Variants in ANKUB1 observed in about 807,000 individuals in gnomAD.
ANKUB1 encodes the protein ankyrin repeat and ubiquitin domain containing 1.
In ANKUB1, 42 loss-of-function variants were observed where a neutral mutation model predicts 49.3. The observed-to-expected ratio is 0.85, with a 90% CI of 0.67 to 1.10. ANKUB1 has a LOEUF of 1.10. Among genes scored for constraint, ANKUB1 ranks in the 50% least tolerant of loss-of-function variants. The pLI, the probability that ANKUB1 is intolerant of heterozygous loss-of-function variation, is 0.00. For synonymous variants in ANKUB1, 222 were observed against 231.0 expected (o/e 0.96, Z 0.35); for missense variants, 613 against 642.0 (o/e 0.95, Z 0.49).
rs763008788 is a variant in ANKUB1, at chr3:149,761,136, A to G, written c.*348T>C. 89 of 156,590 alleles carry G rather than the reference A, an allele frequency of 5.7e-4. No individual in the cohort carries two copies. Among genetic ancestry groups the G allele is most frequent in the Middle Eastern group, 3.3e-3 (1 of 306 alleles). The allele number at this position is 156,590 out of a possible 1,614,324, so 9.7% of individuals were successfully genotyped here. On this transcript the variant is annotated 3_prime_UTR_variant, in exon 6 of 6. Transcript: ENST00000446160. Reference sequence around the variant, plus strand: ...GTTCTACATTCATATGGCTTAAAAAACCAAAACACATTTTTTTAGGAAAAA... The same window carrying G: ...GTTCTACATTCATATGGCTTAAAAAGCCAAAACACATTTTTTTAGGAAAAA...
chr3:149,780,131 T>A, intron 3 of ANKUB1, 108 bp downstream of exon 3: 1 of 837,304 alleles, frequency 1.2e-6, no homozygotes, highest in Non-Finnish European at 1.9e-6. Context: ...AGTTAACAGA[T>A]TGTATATGAA....
At chr3:149,776,705 A>G (rs1043857891) in intron 3 of ANKUB1, among the ~76,000 whole-genome samples, 2 of 152,150 alleles carry the variant, frequency 1.3e-5, no homozygotes, top group Non-Finnish European at 2.9e-5. Context: ...TCACTCCTGT[A>G]ATCCCAGCAC....
At chr3:149,767,106 A>T in intron 5 of ANKUB1, 51 bp downstream of exon 5, 1 of 1,430,486 alleles carries the variant, frequency 7.0e-7, no homozygotes, top group Non-Finnish European at 9.3e-7. Context: ...CTTATCCTGG[A>T]CCTGCCTTAT....
chr3:149,784,476 C>A (rs541108278), intron 2 of ANKUB1, among the ~76,000 whole-genome samples: 1 of 152,274 alleles, frequency 6.6e-6, no homozygotes, highest in South Asian at 2.1e-4. Context: ...TCTGAAGTTG[C>A]CGGCCTGGCA....
chr3:149,778,246 A>G (rs1403481732), intron 3 of ANKUB1: 1 of 152,258 alleles, frequency 6.6e-6, no homozygotes, highest in South Asian at 2.1e-4. Context: ...CATGGTGGCC[A>G]AAACAGCCTA....
At position 149,773,459 on chromosome 3, in the gene ANKUB1, T is replaced by C. The variant is rs140101378; in HGVS notation, c.452-2785A>G. Among the ~76,000 whole-genome samples, 407 of 152,340 alleles carry C rather than the reference T, an allele frequency of 2.7e-3. 3 individuals are homozygous for C. The highest frequency in any genetic ancestry group is 9.4e-3 in the African/African-American group (391 of 41,576). On this transcript the variant is annotated intron_variant, in intron 3 of 5. Transcript: ENST00000446160. ...AGCTAGAAGAGTTTACTCTCCTTGC[T>C]GGAGAATTCTGGAATTATTCTGTAG...
At chr3:149,772,234 T>C (rs2108268141) in intron 3 of ANKUB1, among the ~76,000 whole-genome samples, 1 of 152,272 alleles carries the variant, frequency 6.6e-6, no homozygotes, top group Admixed American at 6.5e-5. Flanking sequence ...TTGGTCAGGC[T>C]AATCTCGAAC....
In ANKUB1 at chr3:149,767,789, T is replaced by A. The variant is rs762463717; in HGVS notation, c.873A>T (p.Leu291Phe). Reference protein sequence around the residue: ...VFKHKHKDCVLYLLSKMWSTV... With the variant: ...VFKHKHKDCVFYLLSKMWSTV... ...TGGACCACATTTTACTGAGCAAATA[T>A]AATACACAGTCTTTATGCTTGTGTT... The change falls in exon 5 of 6, where the codon TTA becomes TTT. Residue 291 changes from leucine (L) to phenylalanine (F), a missense_variant. Transcript: ENST00000446160. 1.2e-5 allele frequency: 18 copies of A among 1,551,636 alleles called. No homozygotes were observed. The African/African-American group carries it at 2.3e-4, about 20-fold the overall frequency.
intron 2 of ANKUB1, among the ~76,000 whole-genome samples, chr3:149,790,056 GT>G (rs769625130): frequency 6.6e-6 from 1 of 152,090 alleles, no homozygotes; most frequent in Non-Finnish European, 1.5e-5. Flanking sequence ...GTTTCCTAAA[GT>G]TCATATTTTT....
At position 149,766,857 on chromosome 3, in the gene ANKUB1, A is replaced by T. The variant is rs977288290; in HGVS notation, c.1505+300T>A. The T allele has an allele frequency of 3.7e-6, 4 of 1,068,582 alleles. No homozygotes were observed. The South Asian group carries it at 4.5e-5, about 12-fold the overall frequency. The allele number at this position is 1,068,582 out of a possible 1,614,324, so 66.2% of individuals were successfully genotyped here. ...CAGCAGCAGCAGCAGCAGCAGCAGCAGCAGCAGCAGCAGCAGCAGCAGCAA... is the reference window on the plus strand; with the variant it reads ...CAGCAGCAGCAGCAGCAGCAGCAGCTGCAGCAGCAGCAGCAGCAGCAGCAA... On this transcript the variant is annotated intron_variant, in intron 5 of 5. Transcript: ENST00000446160.
rs1034815058 is a variant in ANKUB1, at chr3:149,768,716, A to G, written c.567-621T>C. ...GCCACCACACCTGGCTAATTTTTGT[A>G]TTTTTTGTAGAAACAGGAATTTCGC... On this transcript the variant is annotated intron_variant, in intron 4 of 5. Coordinates refer to ENST00000446160, the MANE Select transcript of ANKUB1 (RefSeq NM_001144960.3). Among the ~76,000 whole-genome samples, 49 of 152,028 alleles carry G rather than the reference A, an allele frequency of 3.2e-4. 1 individual carries two copies. Among genetic ancestry groups the G allele is most frequent in the Admixed American group, 2.0e-4 (3 of 15,246 alleles).
At chr3:149,765,313 G>T (rs1229045255) in intron 5 of ANKUB1, among the ~76,000 whole-genome samples, 1 of 152,154 alleles carries the variant, frequency 6.6e-6, no homozygotes, top group Non-Finnish European at 1.5e-5. Flanking sequence ...ATCCGGGAAG[G>T]ATCATGACTG....
intron 2 of ANKUB1, among the ~76,000 whole-genome samples, chr3:149,785,723 A>G (rs1040746976): frequency 2.6e-5 from 4 of 152,132 alleles, no homozygotes; most frequent in Non-Finnish European, 4.4e-5. Flanking sequence ...ATAAACATAC[A>G]TGTGCATGTG....
At chr3:149,770,487 G>A in intron 4 of ANKUB1, 73 bp downstream of exon 4, 1 of 1,130,318 alleles carries the variant, frequency 8.8e-7, no homozygotes, top group Non-Finnish European at 1.3e-6. Flanking sequence ...GTGAATTGCA[G>A]GCTCAAGGTA....
intron 5 of ANKUB1, chr3:149,764,057 A>T (rs1716887945): frequency 2.2e-6 from 1 of 456,076 alleles, no homozygotes; most frequent in Non-Finnish European, 4.4e-6. Context: ...ATGAAGGATT[A>T]CATTAGGTTC....
chr3:149,761,672 GA>G, intron 5 of ANKUB1, 59 bp from the exon 6 acceptor site: 1 of 1,497,570 alleles, frequency 6.7e-7, no homozygotes. Context: ...ATACATAGCT[GA>G]AAAAGGATGG....
intron 2 of ANKUB1, among the ~76,000 whole-genome samples, chr3:149,782,162 A>G (rs1559869380): frequency 6.6e-6 from 1 of 152,196 alleles, no homozygotes; most frequent in Non-Finnish European, 1.5e-5. Flanking sequence ...TATATTTAGA[A>G]TTAAATGCAA....
chr3:149,762,079 A>C (rs1716806084), intron 5 of ANKUB1, among the ~76,000 whole-genome samples: 1 of 152,224 alleles, frequency 6.6e-6, no homozygotes, highest in Non-Finnish European at 1.5e-5. Context: ...TATACTAATA[A>C]AGACTTGCAA....
chr3:149,790,857 C>T lies in ANKUB1; in HGVS notation c.158G>A (p.Gly53Glu). 6.4e-7 allele frequency: 1 copy of T among 1,552,152 alleles called. No individual in the cohort carries two copies. Among genetic ancestry groups the T allele is most frequent in the Non-Finnish European group, 8.7e-7 (1 of 1,147,022 alleles). ...ACTCCAACTGTCCTTTAGAGCAGCT[C>T]CAGCATACATTAACTCCAGATACCG... ...GRRYLELMYA[G>E]AALKDSWSLA... Residue 53 changes from glycine (G) to glutamate (E), a missense_variant, in exon 2 of 6, where the codon GGA becomes GAA. Physicochemically the swap from Gly to Glu is moderately conservative, Grantham distance 98. Coordinates refer to ENST00000446160, the MANE Select transcript of ANKUB1 (RefSeq NM_001144960.3).
Sources: gnomAD v4.1 joint callset for allele counts (sites outside exome capture counted in the v4.1 genomes callset) on GRCh38, gnomAD v4.1.1 for gene constraint, MANE v1.5 for transcripts, NCBI Gene and HGNC (gene_info 2026-07-23, HGNC 2026-07-21) for gene names.